ATP10B: variants seen among roughly 807,000 people sequenced by gnomAD.
The protein encoded by ATP10B is phospholipid-transporting ATPase VB.
Under a neutral mutation model 141.2 loss-of-function variants are expected in ATP10B, and 122 were observed. That is an observed-to-expected ratio of 0.86 (90% confidence interval 0.75 to 1.00). The LOEUF is 1.00. Among genes scored for constraint, ATP10B ranks in the 50% least tolerant of loss-of-function variants. ATP10B has a pLI of 0.00. For missense variants in ATP10B, 1,876 were observed against 1,825.3 expected, an observed-to-expected ratio of 1.03 and a Z score of -0.51; for synonymous variants, 685 against 692.0, an observed-to-expected ratio of 0.99 and a Z score of 0.16.
chr5:160,655,647 T>G (rs1761441228), intron 7 of ATP10B, among the ~76,000 whole-genome samples: 1 of 152,144 alleles, frequency 6.6e-6, no homozygotes, highest in South Asian at 2.1e-4. Context: ...AGTCTTAACT[T>G]TGATTGATGG....
intron 16 of ATP10B, 126 bp from the exon 17 acceptor site, chr5:160,616,090 TCTTCTCAAAGAC>T: frequency 9.9e-7 from 1 of 1,009,664 alleles, no homozygotes; most frequent in Non-Finnish European, 1.3e-6. Context: ...GATGGGGCTT[TCTTCTCAAAGAC>T]TTTTTTTTAA....
chr5:160,831,297 C>T (rs1775066098), intron 1 of ATP10B, among the ~76,000 whole-genome samples: 1 of 151,916 alleles, frequency 6.6e-6, no homozygotes, highest in African/African-American at 2.4e-5. Context: ...TAGAATTTTC[C>T]TTGTTTAACT....
the ATP10B span, among the ~76,000 whole-genome samples, chr5:160,862,898 T>TA: frequency 1.3e-5 from 2 of 151,958 alleles, no homozygotes; most frequent in African/African-American, 4.8e-5. Context: ...TACATACTTG[T>TA]TAGCCAAAAA....
chr5:160,707,590 GCA>G (rs1423635277), intron 3 of ATP10B, among the ~76,000 whole-genome samples: 2 of 152,154 alleles, frequency 1.3e-5, no homozygotes, highest in African/African-American at 4.8e-5. Context: ...CTGAATAGGG[GCA>G]CACAAATTCA....
chr5:160,825,890 TA>T (rs1309206221), intron 1 of ATP10B, among the ~76,000 whole-genome samples: 1 of 152,244 alleles, frequency 6.6e-6, no homozygotes, highest in African/African-American at 2.4e-5. Context: ...CTCCAATTTA[TA>T]AGTGAGAACG....
chr5:160,578,041 G>A (rs1755305819), intron 24 of ATP10B, among the ~76,000 whole-genome samples: 1 of 151,514 alleles, frequency 6.6e-6, no homozygotes, highest in South Asian at 2.1e-4. Flanking sequence ...ATTTTTGCTG[G>A]ATGAAAAAAA....
At chr5:160,924,878 T>C in the ATP10B span, among the ~76,000 whole-genome samples, 1 of 152,236 alleles carries the variant, frequency 6.6e-6, no homozygotes, top group African/African-American at 2.4e-5. Context: ...CTCCACTGAT[T>C]GCTTTTAATA....
intron 6 of ATP10B, among the ~76,000 whole-genome samples, chr5:160,677,604 C>A (rs78184578): frequency 6.6e-6 from 1 of 152,172 alleles, no homozygotes; most frequent in South Asian, 2.1e-4. Context: ...TTCTTTCTTA[C>A]TCCCCTTGGG....
intron 16 of ATP10B, among the ~76,000 whole-genome samples, chr5:160,617,428 T>C (rs1285682430): frequency 2.0e-5 from 3 of 152,250 alleles, no homozygotes; most frequent in Admixed American, 6.5e-5. Flanking sequence ...TTCCTGGTTG[T>C]AGCTGATTGC....
At chr5:160,683,040 C>CCCA (rs765095450) in intron 6 of ATP10B, among the ~76,000 whole-genome samples, 2 of 66,952 alleles carry the variant, frequency 3.0e-5, no homozygotes, top group Admixed American at 2.2e-4. Context: ...CTCTGTCCCC[C>CCCA]AAAAAAAAAA....
chr5:160,572,077 T>C (rs1016314677), intron 24 of ATP10B, among the ~76,000 whole-genome samples: 1 of 152,218 alleles, frequency 6.6e-6, no homozygotes, highest in Non-Finnish European at 1.5e-5. Flanking sequence ...ATTTTTGGGA[T>C]AGTTGCCAAT....
intron 2 of ATP10B, among the ~76,000 whole-genome samples, chr5:160,726,678 G>T (rs944564671): frequency 6.7e-6 from 1 of 148,914 alleles, no homozygotes; most frequent in Non-Finnish European, 1.5e-5. Flanking sequence ...AAGGAGTAGG[G>T]GGGGAGGAGG....
intron 2 of ATP10B, among the ~76,000 whole-genome samples, chr5:160,750,348 G>A (rs1473793218): frequency 6.6e-6 from 1 of 152,124 alleles, no homozygotes; most frequent in Non-Finnish European, 1.5e-5. Flanking sequence ...TGGCTTCTTG[G>A]TAATCAAGCA....
At chr5:160,810,620 A>AT (rs1773091173) in intron 1 of ATP10B, among the ~76,000 whole-genome samples, 1 of 152,142 alleles carries the variant, frequency 6.6e-6, no homozygotes, top group Admixed American at 6.6e-5. Context: ...AAATGCTTAA[A>AT]TTTTCATATG....
In ATP10B at chr5:160,632,408, G is replaced by A. The variant is rs75299390; in HGVS notation, c.1382-41C>T. 5.7e-3 allele frequency: 9,041 copies of A among 1,583,030 alleles called. 35 individuals carry two copies. The highest frequency in any genetic ancestry group is 7.0e-3 in the Non-Finnish European group (8,043 of 1,153,286). On this transcript the variant is annotated intron_variant, in intron 12 of 25. Coordinates refer to ENST00000327245, the MANE Select transcript of ATP10B (RefSeq NM_025153.3). ...CCTGTTATTGCACTAGTTGTACCTC[G>A]GCTGGACCATGTTGGGGAAAACCTA...
Position 160,620,567 on chromosome 5 carries a change from A to G in ATP10B, c.2196T>C (p.His732=). 1 of 1,613,990 alleles carries G rather than the reference A, an allele frequency of 6.2e-7. No individual in the cohort carries two copies. Among genetic ancestry groups the G allele is most frequent in the South Asian group, 1.1e-5 (1 of 91,078 alleles). Residue 732 remains histidine, a synonymous_variant, in exon 15 of 26, where the codon CAT becomes CAC. Coordinates refer to ENST00000327245, the MANE Select transcript of ATP10B (RefSeq NM_025153.3). ...PDEAALVHAA[H]AYSFTLVSRT... is the part of the protein sequence containing the mutation. Reference sequence around the variant, plus strand: ...GGGACACTAGTGTGAAGCTGTAGGCATGGGCAGCGTGCACCAGGGCGGCCT... The same window carrying G: ...GGGACACTAGTGTGAAGCTGTAGGCGTGGGCAGCGTGCACCAGGGCGGCCT...
Position 160,675,683 on chromosome 5 carries a change from C to T in ATP10B, c.471-5016G>A, listed in dbSNP as rs1051943947. Among the ~76,000 whole-genome samples, 5 of 152,116 alleles carry T rather than the reference C, an allele frequency of 3.3e-5. No individual in the cohort carries two copies. The East Asian group carries it at 9.6e-4, about 29-fold the overall frequency. On this transcript the variant is annotated intron_variant, in intron 6 of 25. Coordinates refer to ENST00000327245, the MANE Select transcript of ATP10B (RefSeq NM_025153.3). ...AGAATGCTCAGTGCCATGTCACTAA[C>T]CCAGGGTGAGAGAGGAATGCCCGAC... is the stretch of plus-strand genomic sequence containing the variant.
the ATP10B span, among the ~76,000 whole-genome samples, chr5:160,878,381 T>G: frequency 6.6e-6 from 1 of 151,720 alleles, no homozygotes; most frequent in South Asian, 2.1e-4. Flanking sequence ...CAAAAATCAA[T>G]TCAAGATGGA....
At chr5:160,859,938 C>T in the ATP10B span, among the ~76,000 whole-genome samples, 33 of 152,042 alleles carry the variant, frequency 2.2e-4, 1 homozygote, top group Admixed American at 1.8e-3. Flanking sequence ...GTGATGTCAA[C>T]TCTACTTGTT....
Sources: gnomAD v4.1 joint callset for allele counts (sites outside exome capture counted in the v4.1 genomes callset) on GRCh38, gnomAD v4.1.1 for gene constraint, MANE v1.5 for transcripts, NCBI Gene and HGNC (gene_info 2026-07-23, HGNC 2026-07-21) for gene names.